Variants in TMEM98 observed in about 807,000 individuals in gnomAD.
The protein encoded by TMEM98 is transmembrane protein 98.
TMEM98 carries 18 observed loss-of-function variants against 25.0 expected under a neutral mutation model. That is an observed-to-expected ratio of 0.72 (90% confidence interval 0.50 to 1.07). The LOEUF (loss-of-function observed/expected upper bound fraction) is 1.07, where lower values mean the gene tolerates loss of function less well. Among genes scored for constraint, TMEM98 ranks in the 50% least tolerant of loss-of-function variants. The probability of loss-of-function intolerance (pLI) is 0.00; values close to 1 mark genes in which losing one functional copy is unlikely to be tolerated. For missense variants in TMEM98, 241 were observed against 289.0 expected, an observed-to-expected ratio of 0.83 and a Z score of 1.20; for synonymous variants, 103 against 112.4, an observed-to-expected ratio of 0.92 and a Z score of 0.53.
At position 32,934,278 on chromosome 17, in the gene TMEM98, C is replaced by G. The variant is rs748308415; in HGVS notation, c.264-13C>G. ...TCCAGATGAGCACTGATGACTTCTT[C>G]TTGTTTCCCCAGGGGTCTCATGTCC... On this transcript the variant is annotated splice_polypyrimidine_tract_variant and intron_variant, in intron 4 of 7. Coordinates refer to ENST00000579849, the MANE Select transcript of TMEM98 (RefSeq NM_015544.3). 3.1e-6 allele frequency: 5 copies of G among 1,613,950 alleles called. No homozygotes were observed. The African/African-American group carries it at 5.3e-5, about 17-fold the overall frequency.
intron 6 of TMEM98, among the ~76,000 whole-genome samples, chr17:32,937,887 G>C (rs558121963): frequency 6.6e-6 from 1 of 152,232 alleles, no homozygotes; most frequent in South Asian, 2.1e-4. Flanking sequence ...CACCACACCC[G>C]GCCTCCTTCC....
At chr17:32,935,995 G>A (rs539387698) in intron 5 of TMEM98, among the ~76,000 whole-genome samples, 1 of 152,288 alleles carries the variant, frequency 6.6e-6, no homozygotes, top group East Asian at 1.9e-4. Flanking sequence ...ACCATGAGAT[G>A]AAGGAATAGA....
At chr17:32,932,164 A>T (rs2091473510) in intron 3 of TMEM98, among the ~76,000 whole-genome samples, 1 of 144,950 alleles carries the variant, frequency 6.9e-6, no homozygotes. Context: ...GCAATGGTGC[A>T]ATCTTGGCTC....
intron 7 of TMEM98, 98 bp from the exon 8 acceptor site, chr17:32,940,688 G>C (rs1178965861): frequency 6.8e-6 from 8 of 1,169,684 alleles, no homozygotes; most frequent in East Asian, 2.4e-5. Context: ...AGGGTGTGCA[G>C]TTTGGGGAAT....
intron 5 of TMEM98, 134 bp downstream of exon 5, chr17:32,934,458 T>C: frequency 1.0e-6 from 1 of 970,724 alleles, no homozygotes; most frequent in East Asian, 2.6e-5. Flanking sequence ...ACACTTGGAA[T>C]TTTTGTGGTT....
chr17:32,940,585 A>G (rs919601258), intron 7 of TMEM98, among the ~76,000 whole-genome samples: 1 of 152,210 alleles, frequency 6.6e-6, no homozygotes, highest in African/African-American at 2.4e-5. Context: ...GCTCTGAGGC[A>G]GGCTTCAGTT....
intron 6 of TMEM98, 132 bp from the exon 7 acceptor site, chr17:32,939,345 T>G: frequency 1.2e-6 from 1 of 822,606 alleles, no homozygotes. Context: ...AGGTGGATGT[T>G]GCAGTGAGCT....
chr17:32,937,166 C>T (rs1014806111), intron 6 of TMEM98, among the ~76,000 whole-genome samples: 15 of 152,230 alleles, frequency 9.9e-5, no homozygotes, highest in Non-Finnish European at 1.5e-4. Context: ...ATGTTTTCCA[C>T]GTCAGCCACC....
In TMEM98 at chr17:32,940,715, A is replaced by G. The variant is rs553629755; in HGVS notation, c.474-71A>G. 1.2e-5 allele frequency: 17 copies of G among 1,436,966 alleles called. 1 individual carries two copies. The South Asian group carries it at 1.6e-4, about 13-fold the overall frequency. The allele number at this position is 1,436,966 out of a possible 1,614,324, so 89.0% of individuals were successfully genotyped here. A position where few individuals can be genotyped will look rare whatever the true frequency, so the allele number is the denominator to read the frequency against. ...TTGGGGAATACTAGTCAAAAAGTCT[A>G]TCTATTTGGGCTTTTGTGCAAAGTC... On this transcript the variant is annotated intron_variant, in intron 7 of 7. Coordinates refer to ENST00000579849, the MANE Select transcript of TMEM98 (RefSeq NM_015544.3).
chr17:32,940,710 A>T lies in TMEM98; in HGVS notation c.474-76A>T, dbSNP rs891593733. ...GCAGTTTGGGGAATACTAGTCAAAA[A>T]GTCTATCTATTTGGGCTTTTGTGCA... On this transcript the variant is annotated intron_variant, in intron 7 of 7. Transcript: ENST00000579849. The T allele has an allele frequency of 6.4e-6, 9 of 1,407,698 alleles. No individual in the cohort carries two copies. The African/African-American group carries it at 1.3e-4, about 20-fold the overall frequency. The allele number at this position is 1,407,698 out of a possible 1,614,324, so 87.2% of individuals were successfully genotyped here. A position where few individuals can be genotyped will look rare whatever the true frequency, so the allele number is the denominator to read the frequency against.
chr17:32,932,789 A>G (rs1458239073), intron 3 of TMEM98, among the ~76,000 whole-genome samples: 2 of 152,202 alleles, frequency 1.3e-5, no homozygotes, highest in East Asian at 3.8e-4. Context: ...GGTTTGGGTA[A>G]TAGGAACCAC....
At chr17:32,933,448 A>G in intron 4 of TMEM98, 143 bp downstream of exon 4, 3 of 1,168,896 alleles carry the variant, frequency 2.6e-6, no homozygotes, top group Non-Finnish European at 3.6e-6. Context: ...GTGTGGGGGA[A>G]AATCAGAATA....
Position 32,931,371 on chromosome 17 carries a change from C to A in TMEM98, c.-86C>A, listed in dbSNP as rs1444070282. The stretch of plus-strand genomic sequence containing the variant: ...TGTCGTGGAGGAACCTAGCACCTGC[C>A]ATCCTCTTCCCCAATTTGCCACTTC... On this transcript the variant is annotated 5_prime_UTR_variant, in exon 2 of 8. Transcript: ENST00000579849. The A allele has an allele frequency of 2.1e-6, 2 of 936,982 alleles. No individual in the cohort carries two copies. Among genetic ancestry groups the A allele is most frequent in the East Asian group, 5.5e-5 (2 of 36,510 alleles). 58.0% of individuals were successfully genotyped at this position (936,982 alleles called of 1,614,324 possible).
chr17:32,933,496 A>G (rs1045373350), intron 4 of TMEM98, among the ~76,000 whole-genome samples, 191 bp downstream of exon 4: 1 of 152,138 alleles, frequency 6.6e-6, no homozygotes, highest in African/African-American at 2.4e-5. Context: ...CTCTCCCCAC[A>G]TTTTGTAGAC....
chr17:32,940,918 A>G lies in TMEM98; in HGVS notation c.606A>G (p.Glu202=). 6.2e-7 allele frequency: 1 copy of G among 1,614,174 alleles called. No individual in the cohort carries two copies. Among genetic ancestry groups the G allele is most frequent in the Non-Finnish European group, 8.5e-7 (1 of 1,180,036 alleles). Residue 202 remains glutamate, a synonymous_variant, in exon 8 of 8, where the codon GAA becomes GAG. Coordinates refer to ENST00000579849, the MANE Select transcript of TMEM98 (RefSeq NM_015544.3). The stretch of plus-strand genomic sequence containing the variant: ...AGGAGCATTTGGAAGTCCTTCGAGA[A>G]GCAGCCCTAGCTTCTGAGCCAGATA... The part of the protein sequence containing the change: ...AAEEHLEVLR[E]AALASEPDKG...
In TMEM98 at chr17:32,943,369, AG is replaced by A. The variant is rs576703594; in HGVS notation, c.*2380del. The A allele has an allele frequency of 2.6e-5, 4 of 152,136 alleles. No individual in the cohort carries two copies. The highest frequency in any genetic ancestry group is 5.9e-5 in the Non-Finnish European group (4 of 68,056). 9.4% of individuals were successfully genotyped at this position (152,136 alleles called of 1,614,324 possible). A position where few individuals can be genotyped will look rare whatever the true frequency, so the allele number is the denominator to read the frequency against. On this transcript the variant is annotated 3_prime_UTR_variant, in exon 8 of 8. Transcript: ENST00000579849. ...GGCTGAAGTTACTTCCTCCCTTGGA[AG>A]GGGCTGGTTAGTGAGTGCCAGGGAT...
intron 7 of TMEM98, among the ~76,000 whole-genome samples, chr17:32,940,413 A>C (rs1391008245): frequency 6.6e-6 from 1 of 152,178 alleles, no homozygotes; most frequent in Non-Finnish European, 1.5e-5. Context: ...CGGTTGGGGA[A>C]TATGCTCATC....
chr17:32,933,335 G>C, intron 4 of TMEM98, 30 bp downstream of exon 4: 1 of 1,613,364 alleles, frequency 6.2e-7, no homozygotes, highest in Non-Finnish European at 8.5e-7. Context: ...TTGCTTCCGG[G>C]CTTCTGGCAA....
chr17:32,933,366 C>T (rs1023685962), intron 4 of TMEM98, 61 bp downstream of exon 4: 1 of 1,606,448 alleles, frequency 6.2e-7, no homozygotes, highest in Non-Finnish European at 8.5e-7. Flanking sequence ...TTGCTGGTGT[C>T]CTTTGCCAGA....
Sources: gnomAD v4.1 joint callset for allele counts (sites outside exome capture counted in the v4.1 genomes callset) on GRCh38, gnomAD v4.1.1 for gene constraint, MANE v1.5 for transcripts, NCBI Gene and HGNC (gene_info 2026-07-23, HGNC 2026-07-21) for gene names.